The following STK33 variants were observed in gnomAD, a reference collection of about 807,000 sequenced individuals.
The protein encoded by STK33 is serine/threonine-protein kinase 33.
Under a neutral mutation model 58.0 loss-of-function variants are expected in STK33, and 52 were observed. That is an observed-to-expected ratio of 0.90 (90% CI 0.72 to 1.13). STK33 has a LOEUF of 1.13. Ranked by LOEUF, STK33 falls within the 50% of genes most tolerant of loss-of-function variation. The pLI, the probability that STK33 is intolerant of heterozygous loss-of-function variation, is 0.00. For synonymous variants in STK33, 215 were observed against 200.1 expected, an observed-to-expected ratio of 1.07 and a Z score of -0.63; for missense variants, 630 against 604.2, an observed-to-expected ratio of 1.04 and a Z score of -0.45.
chr11:8,510,139 C>A (rs919751088), intron 1 of STK33, among the ~76,000 whole-genome samples: 3 of 152,092 alleles, frequency 2.0e-5, no homozygotes, highest in African/African-American at 7.2e-5. Flanking sequence ...AAAGTGTTCC[C>A]TTTTCACCAC....
chr11:8,449,337 T>C (rs985695221), intron 11 of STK33, among the ~76,000 whole-genome samples: 3 of 151,604 alleles, frequency 2.0e-5, no homozygotes, highest in Admixed American at 2.0e-4. Context: ...TGCACACATA[T>C]GTTTACTGCG....
chr11:8,402,888 TC>T (rs1303540861), intron 15 of STK33, among the ~76,000 whole-genome samples: 20 of 152,348 alleles, frequency 1.3e-4, no homozygotes, highest in Admixed American at 1.3e-3. Flanking sequence ...CTCCTTTTCT[TC>T]TCTCATAGCT....
At chr11:8,354,592 T>C in the STK33 span, among the ~76,000 whole-genome samples, 2 of 151,484 alleles carry the variant, frequency 1.3e-5, no homozygotes, top group East Asian at 3.9e-4. Context: ...GGGAGGTGAC[T>C]TGAACATCCT....
chr11:8,354,612 ACCAT>A, the STK33 span, among the ~76,000 whole-genome samples: 1 of 152,100 alleles, frequency 6.6e-6, no homozygotes, highest in East Asian at 1.9e-4. Context: ...TCTCCCAGAA[ACCAT>A]CCAGGTACAC....
rs769085708 is a variant in STK33, at chr11:8,483,701, CA to C, written c.-465-3088del. Among the ~76,000 whole-genome samples the C allele has an allele frequency of 6.6e-4, 100 of 152,138 alleles. 1 individual carries two copies. Among genetic ancestry groups the C allele is most frequent in the Non-Finnish European group, 1.1e-3 (72 of 68,020 alleles). The stretch of plus-strand genomic sequence containing the variant: ...AAGAGCATCAAGAATAGGCTCCAGC[CA>C]GTACAATCAATCAAAATCTACTGCC... On this transcript the variant is annotated intron_variant, in intron 1 of 15. Transcript: ENST00000687296.
chr11:8,454,355 A>G (rs142653653), intron 10 of STK33, among the ~76,000 whole-genome samples: 158 of 152,336 alleles, frequency 1.0e-3, no homozygotes, highest in African/African-American at 3.8e-3. Context: ...AAAATTTTCA[A>G]TAAGAAATAC....
intron 12 of STK33, among the ~76,000 whole-genome samples, chr11:8,439,869 T>TATATATATATATATATATATATATATA (rs1554930119): frequency 9.3e-6 from 1 of 107,268 alleles, no homozygotes; most frequent in Non-Finnish European, 1.9e-5. Context: ...TATATTATAA[T>TATATATATATATATATATATATATATA]TATATATATA....
At chr11:8,473,124 C>G in intron 6 of STK33, 39 bp downstream of exon 6, 1 of 1,343,146 alleles carries the variant, frequency 7.4e-7, no homozygotes. Flanking sequence ...TTAGAAGAAA[C>G]CTGAAAGTTC....
In STK33 at chr11:8,436,022, C is replaced by T. The variant is rs1944019984; in HGVS notation, c.1060+5G>A. On this transcript the variant is annotated splice_donor_5th_base_variant and intron_variant, in intron 13 of 15. Transcript: ENST00000687296. ...TTTAGTAAATAATAACGCATCTATA[C>T]TTACCACAGTCACTTATGGAATTCC... The T allele has an allele frequency of 6.5e-7, 1 of 1,544,060 alleles. No homozygotes were observed. The highest frequency in any genetic ancestry group is 8.8e-7 in the Non-Finnish European group (1 of 1,139,436).
At chr11:8,414,792 T>C (rs940912354) in intron 14 of STK33, among the ~76,000 whole-genome samples, 2 of 152,218 alleles carry the variant, frequency 1.3e-5, no homozygotes, top group Non-Finnish European at 2.9e-5. Context: ...ACACTGGTTT[T>C]GCACTTGTTT....
chr11:8,470,158 G>C (rs1392690743), intron 6 of STK33, among the ~76,000 whole-genome samples: 1 of 152,156 alleles, frequency 6.6e-6, no homozygotes, highest in African/African-American at 2.4e-5. Context: ...CATCTTCTAA[G>C]GCTTAAATCT....
intron 1 of STK33, among the ~76,000 whole-genome samples, chr11:8,514,535 G>C (rs1337682547): frequency 4.6e-5 from 7 of 152,166 alleles, no homozygotes; most frequent in African/African-American, 1.7e-4. Flanking sequence ...ATGCGGATAA[G>C]AAATACAGTC....
chr11:8,568,089 T>G (rs1406032389), intron 1 of STK33, among the ~76,000 whole-genome samples: 2 of 152,176 alleles, frequency 1.3e-5, no homozygotes, highest in African/African-American at 4.8e-5. Context: ...TCCAAGGTAC[T>G]TCCTTAGTAC....
downstream of STK33, among the ~76,000 whole-genome samples, chr11:8,389,212 C>A (rs1444892836): frequency 6.6e-6 from 1 of 152,250 alleles, no homozygotes; most frequent in African/African-American, 2.4e-5. Context: ...GCAGGGGACA[C>A]AGCTGTAAGA....
the STK33 span, among the ~76,000 whole-genome samples, chr11:8,337,771 G>A: frequency 0.78 from 118,147 of 151,708 alleles, 46,067 homozygotes; most frequent in East Asian, 0.82. Flanking sequence ...CCTTGGCTGA[G>A]TATGCCACAT....
the STK33 span, among the ~76,000 whole-genome samples, chr11:8,354,474 T>TCACACACACACACA: frequency 0.025 from 3,157 of 124,618 alleles, 82 homozygotes; most frequent in African/African-American, 0.048. Context: ...CTGCAAAACC[T>TCACACACACACACA]CACACACACA....
the STK33 span, among the ~76,000 whole-genome samples, chr11:8,376,558 T>C: frequency 8.6e-5 from 13 of 151,986 alleles, no homozygotes; most frequent in Non-Finnish European, 1.9e-4. Context: ...TCTTTTTTTT[T>C]TTTAGATGGA....
At chr11:8,583,086 A>C (rs1015466676) in intron 1 of STK33, among the ~76,000 whole-genome samples, 7 of 152,186 alleles carry the variant, frequency 4.6e-5, no homozygotes, top group Non-Finnish European at 7.3e-5. Context: ...ATGAGCCAAA[A>C]TTATCTCCTT....
the STK33 span, among the ~76,000 whole-genome samples, chr11:8,348,484 T>C: frequency 1.3e-5 from 2 of 152,162 alleles, no homozygotes; most frequent in Non-Finnish European, 2.9e-5. Context: ...AACAGCAGCA[T>C]GAGGGTAACT....
Sources: allele counts gnomAD v4.1 joint callset (sites outside exome capture counted in the v4.1 genomes callset), GRCh38; gene constraint gnomAD v4.1.1; transcripts MANE v1.5; gene names NCBI Gene and HGNC (gene_info 2026-07-23, HGNC 2026-07-21).